Variants in CCDC171 observed in about 807,000 individuals in gnomAD.
The protein encoded by CCDC171 is coiled-coil domain containing 171.
CCDC171 carries 177 observed loss-of-function variants against 168.2 expected under a neutral mutation model. That is an observed-to-expected ratio of 1.05 (90% CI 0.93 to 1.19). The LOEUF is 1.19. CCDC171 is among the 50% of genes most tolerant of loss of function. The pLI, the probability that CCDC171 is intolerant of heterozygous loss-of-function variation, is 0.00. For synonymous variants in CCDC171, 687 were observed against 540.8 expected (o/e 1.27, Z -3.75); for missense variants, 1,991 against 1,539.0 (o/e 1.29, Z -4.91).
intron 11 of CCDC171, among the ~76,000 whole-genome samples, chr9:15,695,694 C>A (rs1193522907): frequency 6.6e-6 from 1 of 152,162 alleles, no homozygotes; most frequent in Non-Finnish European, 1.5e-5. Flanking sequence ...AGGCAACCTT[C>A]AGCAACTTAA....
At chr9:15,655,251 A>G (rs1564148122) in intron 7 of CCDC171, among the ~76,000 whole-genome samples, 1 of 151,940 alleles carries the variant, frequency 6.6e-6, no homozygotes, top group Non-Finnish European at 1.5e-5. Flanking sequence ...TTTTCGCCAA[A>G]TTTCATCTAG....
At chr9:15,745,447 ACG>A (rs1247640654) in intron 17 of CCDC171, 66 bp from the exon 18 acceptor site, 2 of 983,596 alleles carry the variant, frequency 2.0e-6, no homozygotes, top group African/African-American at 3.4e-5. Flanking sequence ...GAACACTGCT[ACG>A]AATTTTAAAT....
chr9:15,626,393 G>A (rs2045108676), intron 7 of CCDC171, among the ~76,000 whole-genome samples: 5 of 152,178 alleles, frequency 3.3e-5, no homozygotes, highest in Admixed American at 6.5e-5. Context: ...TCTTGGGCCA[G>A]TTTTCAAAGG....
intron 6 of CCDC171, among the ~76,000 whole-genome samples, chr9:15,595,961 TGTTCATATCCTTCG>T (rs1214603150): frequency 6.6e-6 from 1 of 152,216 alleles, no homozygotes; most frequent in East Asian, 1.9e-4. Context: ...GAGAAGTGTC[TGTTCATATCCTTCG>T]CCCACTTGTT....
At position 15,566,905 on chromosome 9, in the gene CCDC171, G is replaced by A. The variant is rs74803211; in HGVS notation, c.41+2776G>A. Among the ~76,000 whole-genome samples the A allele has an allele frequency of 5.6e-3, 854 of 152,206 alleles. 12 individuals carry two copies. The highest frequency in any genetic ancestry group is 0.02 in the African/African-American group (822 of 41,512). On this transcript the variant is annotated intron_variant, in intron 2 of 25. Coordinates refer to ENST00000380701, the MANE Select transcript of CCDC171 (RefSeq NM_173550.4). ...GTGCGTAGCCAGTTGTTCCAGCAGCGTTGTTGATAAGAGTAACATTTCCCC... is the reference window on the plus strand; with the variant it reads ...GTGCGTAGCCAGTTGTTCCAGCAGCATTGTTGATAAGAGTAACATTTCCCC...
At chr9:15,623,464 T>TGCGCGCGC (rs563722301) in intron 7 of CCDC171, 51 bp downstream of exon 7, 32 of 767,358 alleles carry the variant, frequency 4.2e-5, no homozygotes, top group South Asian at 3.2e-4. Flanking sequence ...CTTTCACATA[T>TGCGCGCGC]GCGCGCGCGC....
intron 24 of CCDC171, among the ~76,000 whole-genome samples, chr9:15,878,381 A>G (rs7861692): frequency 0.014 from 2,149 of 152,234 alleles, 51 homozygotes; most frequent in African/African-American, 0.048. Context: ...AAAAAACTCA[A>G]CAACATTGCT....
chr9:15,898,688 C>T (rs1447925878), intron 24 of CCDC171, among the ~76,000 whole-genome samples: 2 of 152,018 alleles, frequency 1.3e-5, no homozygotes, highest in Non-Finnish European at 1.5e-5. Context: ...TATATATTTG[C>T]TTTTTTACCC....
chr9:16,041,111 A>C (rs1277815281), upstream of CCDC171, among the ~76,000 whole-genome samples: 1 of 152,222 alleles, frequency 6.6e-6, no homozygotes, highest in East Asian at 1.9e-4. Flanking sequence ...TGAAAGTTCA[A>C]GATGACACTG....
At chr9:16,010,406 A>G (rs1321368457) in intron 3 of CCDC171, among the ~76,000 whole-genome samples, 3 of 152,122 alleles carry the variant, frequency 2.0e-5, no homozygotes, top group East Asian at 3.9e-4. Context: ...CAGATGCGTC[A>G]CTAGGGAATG....
the CCDC171 span, among the ~76,000 whole-genome samples, chr9:16,094,541 G>A: frequency 4.3e-4 from 65 of 152,120 alleles, no homozygotes; most frequent in African/African-American, 1.5e-3. Context: ...CAAGAGTCAA[G>A]GGTTGTTTAG....
At chr9:15,625,885 T>C (rs1206008098) in intron 7 of CCDC171, among the ~76,000 whole-genome samples, 8 of 152,196 alleles carry the variant, frequency 5.3e-5, no homozygotes, top group Non-Finnish European at 7.3e-5. Context: ...GGGGATGGCA[T>C]TGAATCTATA....
Position 15,608,944 on chromosome 9 carries a change from C to CAAAAAAAA in CCDC171, c.676-14302_676-14295dup, listed in dbSNP as rs71491669. Among the ~76,000 whole-genome samples, 12 of 13,712 alleles carry CAAAAAAAA rather than the reference C, an allele frequency of 8.8e-4. 1 individual carries two copies. Among genetic ancestry groups the CAAAAAAAA allele is most frequent in the African/African-American group, 2.8e-3 (11 of 3,958 alleles). 9.0% of individuals were successfully genotyped at this position (13,712 alleles called of 152,430 possible). A position where few individuals can be genotyped will look rare whatever the true frequency, so the allele number is the denominator to read the frequency against. ...CGGGCTACAGAGCAAGACCCTGTCT[C>CAAAAAAAA]AAAAAAAAAAAAAAAAAAAAAAAAA... On this transcript the variant is annotated intron_variant, in intron 6 of 25. Coordinates refer to ENST00000380701, the MANE Select transcript of CCDC171 (RefSeq NM_173550.4).
intron 23 of CCDC171, among the ~76,000 whole-genome samples, chr9:15,865,853 T>TGC (rs1563900126): frequency 7.9e-5 from 1 of 12,684 alleles, no homozygotes; most frequent in African/African-American, 1.0e-4. Flanking sequence ...TGCGTGCGTG[T>TGC]GTGTGTGTGT....
downstream of CCDC171, among the ~76,000 whole-genome samples, chr9:15,975,265 A>G (rs1831584999): frequency 6.6e-6 from 1 of 152,214 alleles, no homozygotes; most frequent in African/African-American, 2.4e-5. Flanking sequence ...ACCAAAGATC[A>G]TACATAACCT....
At chr9:15,749,097 GC>G (rs1367679985) in intron 18 of CCDC171, among the ~76,000 whole-genome samples, 1 of 151,014 alleles carries the variant, frequency 6.6e-6, no homozygotes, top group Non-Finnish European at 1.5e-5. Flanking sequence ...ATGCACATAG[GC>G]TCAAAATAAA....
At chr9:15,995,081 C>G (rs1832329724) in intron 3 of CCDC171, among the ~76,000 whole-genome samples, 1 of 152,188 alleles carries the variant, frequency 6.6e-6, no homozygotes, top group Admixed American at 6.5e-5. Context: ...ATGCTAAACT[C>G]CTTTTGAAAA....
Position 15,678,758 on chromosome 9 carries a change from A to G in CCDC171, c.1077A>G (p.Leu359=), listed in dbSNP as rs1414347297. Residue 359 remains leucine, a splice_region_variant and synonymous_variant, in exon 10 of 26, where the codon TTA becomes TTG. Transcript: ENST00000380701. The part of the protein sequence containing the change: ...NAQESFAKLN[L]LEKEYFSKNK... ...CTGCTCTGACACTTTAACTTTTCAGATTAGAAAAAGAGTATTTCTCCAAAA... is the reference window on the plus strand; with the variant it reads ...CTGCTCTGACACTTTAACTTTTCAGGTTAGAAAAAGAGTATTTCTCCAAAA... The G allele has an allele frequency of 6.3e-6, 10 of 1,579,698 alleles. No individual in the cohort carries two copies. In the East Asian group the frequency reaches 1.8e-4, roughly 28 times the overall value.
intron 7 of CCDC171, among the ~76,000 whole-genome samples, chr9:15,632,863 T>C (rs930820617): frequency 2.6e-5 from 4 of 152,208 alleles, no homozygotes; most frequent in African/African-American, 2.4e-5. Context: ...TCTGAAATAA[T>C]GCCGCATATC....
Sources: allele counts gnomAD v4.1 joint callset (sites outside exome capture counted in the v4.1 genomes callset), GRCh38; gene constraint gnomAD v4.1.1; transcripts MANE v1.5; gene names NCBI Gene and HGNC (gene_info 2026-07-23, HGNC 2026-07-21).